Variants in TBC1D32 observed in about 807,000 individuals in gnomAD.
TBC1D32 encodes the protein TBC1 domain family member 32, also known as protein broad-minded.
Under a neutral mutation model 170.3 loss-of-function variants are expected in TBC1D32, and 151 were observed. The ratio of observed to expected loss-of-function variants is 0.89; its 90% CI spans 0.78 to 1.01. TBC1D32 has a LOEUF of 1.01. TBC1D32 is among the 50% of genes least tolerant of loss of function. The probability of loss-of-function intolerance (pLI) is 0.00; values close to 1 mark genes in which losing one functional copy is unlikely to be tolerated. For synonymous variants in TBC1D32, 498 were observed against 488.0 expected, an observed-to-expected ratio of 1.02 and a Z score of -0.27; for missense variants, 1,464 against 1,457.1, an observed-to-expected ratio of 1.00 and a Z score of -0.08.
intron 22 of TBC1D32, among the ~76,000 whole-genome samples, chr6:121,199,843 A>G (rs1022251235): frequency 1.3e-5 from 2 of 151,448 alleles, no homozygotes; most frequent in African/African-American, 4.9e-5. Flanking sequence ...ATGAAATACT[A>G]ACATTTGGCT....
Position 121,131,713 on chromosome 6 carries a change from G to T in TBC1D32, c.2813C>A (p.Ser938Tyr), listed in dbSNP as rs371231820. Reference protein sequence around the residue: ...LDKLLLCLKISDKQTEWIENC... With the variant: ...LDKLLLCLKIYDKQTEWIENC... ...TTCTATCCATTCAGTTTGTTTATCA[G>T]ATATTTTGAGGCATAATAAAAGCTT... The change falls in exon 25 of 32, where the codon TCT becomes TAT. Residue 938 changes from serine to tyrosine, a missense_variant. Around this residue, in one of 3 missense-constraint regions of TBC1D32, gnomAD observed 1,363 missense variants for 1,338.1 expected, o/e 1.02. Coordinates refer to ENST00000398212, the MANE Select transcript of TBC1D32 (RefSeq NM_152730.6). 31 of 1,607,332 alleles carry T rather than the reference G, an allele frequency of 1.9e-5. No individual in the cohort carries two copies. The East Asian group carries it at 2.9e-4, about 15-fold the overall frequency.
intron 30 of TBC1D32, among the ~76,000 whole-genome samples, 175 bp downstream of exon 30, chr6:121,105,848 G>C (rs745492111): frequency 1.3e-5 from 2 of 151,996 alleles, no homozygotes; most frequent in Non-Finnish European, 2.9e-5. Context: ...GTGAATGGTA[G>C]AAAGCATTAT....
chr6:121,295,602 G>A (rs1349376086), intron 10 of TBC1D32, among the ~76,000 whole-genome samples: 1 of 151,830 alleles, frequency 6.6e-6, no homozygotes, highest in Non-Finnish European at 1.5e-5. Context: ...CCAACAGAGG[G>A]GAAGAGTTTG....
intron 21 of TBC1D32, among the ~76,000 whole-genome samples, chr6:121,210,640 C>T (rs1792911951): frequency 6.6e-6 from 1 of 152,132 alleles, no homozygotes; most frequent in Non-Finnish European, 1.5e-5. Flanking sequence ...GCAGATGTAA[C>T]TAAAATCCTT....
chr6:121,095,123 C>A (rs1373271369), intron 30 of TBC1D32, among the ~76,000 whole-genome samples: 3 of 152,136 alleles, frequency 2.0e-5, no homozygotes, highest in Non-Finnish European at 4.4e-5. Flanking sequence ...TGGTAAACCA[C>A]CATTCCATAA....
At chr6:121,242,844 T>C (rs1797162841) in intron 17 of TBC1D32, among the ~76,000 whole-genome samples, 1 of 152,080 alleles carries the variant, frequency 6.6e-6, no homozygotes, top group African/African-American at 2.4e-5. Context: ...ATAAGAAAGA[T>C]CAACATATAT....
rs533698576 is a variant in TBC1D32, at chr6:121,123,496, G to A, written c.2983+2882C>T. On this transcript the variant is annotated intron_variant, in intron 26 of 31. Coordinates refer to ENST00000398212, the MANE Select transcript of TBC1D32 (RefSeq NM_152730.6). Reference sequence around the variant, plus strand: ...TTTACCATTATATAATGACCTTTTTGGTCTCTTTTTATAGTCTTTGCCTTA... The same window carrying A: ...TTTACCATTATATAATGACCTTTTTAGTCTCTTTTTATAGTCTTTGCCTTA... Among the ~76,000 whole-genome samples the A allele has an allele frequency of 9.9e-5, 15 of 151,892 alleles. No homozygotes were observed. In the South Asian group the frequency reaches 2.9e-3, roughly 29 times the overall value.
chr6:121,217,604 G>A (rs1793993287), intron 21 of TBC1D32, among the ~76,000 whole-genome samples: 1 of 152,142 alleles, frequency 6.6e-6, no homozygotes, highest in African/African-American at 2.4e-5. Context: ...GAGAACTCAT[G>A]GACACAAAGA....
intron 15 of TBC1D32, among the ~76,000 whole-genome samples, chr6:121,261,379 G>A (rs1462768927): frequency 6.6e-6 from 1 of 152,206 alleles, no homozygotes; most frequent in African/African-American, 2.4e-5. Context: ...ACTGGCATCA[G>A]GTTGGTGCCC....
At chr6:121,315,863 C>A (rs1808868005) in intron 3 of TBC1D32, among the ~76,000 whole-genome samples, 1 of 152,110 alleles carries the variant, frequency 6.6e-6, no homozygotes, top group African/African-American at 2.4e-5. Flanking sequence ...AAACAGCTTT[C>A]AGGACAGTTC....
At chr6:121,211,427 C>T (rs1340901415) in intron 21 of TBC1D32, among the ~76,000 whole-genome samples, 3 of 152,122 alleles carry the variant, frequency 2.0e-5, no homozygotes, top group Non-Finnish European at 2.9e-5. Flanking sequence ...AAGCAGTGTA[C>T]ACTGTACACA....
chr6:121,239,088 A>C lies in TBC1D32; in HGVS notation c.2346T>G (p.Ile782Met). 1 of 1,593,994 alleles carries C rather than the reference A, an allele frequency of 6.3e-7. No individual in the cohort carries two copies. Among genetic ancestry groups the C allele is most frequent in the Non-Finnish European group, 8.6e-7 (1 of 1,165,466 alleles). Reference sequence around the variant, plus strand: ...TTCTTACCTTTTGACAGCTTCGGTCAATAGGATCCACTGGAGTAGTTCTGG... The same window carrying C: ...TTCTTACCTTTTGACAGCTTCGGTCCATAGGATCCACTGGAGTAGTTCTGG... ...THPRTTPVDP[I>M]DRSCQKSFLA... The change falls in exon 20 of 32, where the codon ATT becomes ATG. Residue 782 changes from isoleucine to methionine, a missense_variant. Coordinates refer to ENST00000398212, the MANE Select transcript of TBC1D32 (RefSeq NM_152730.6).
At chr6:121,307,935 A>G in intron 5 of TBC1D32, 41 bp downstream of exon 5, 3 of 1,577,514 alleles carry the variant, frequency 1.9e-6, no homozygotes, top group Middle Eastern at 3.4e-4. Context: ...GAATGGTGGG[A>G]AAACAAATTA....
At chr6:121,242,117 C>T in intron 18 of TBC1D32, 84 bp downstream of exon 18, 1 of 1,408,346 alleles carries the variant, frequency 7.1e-7, no homozygotes, top group Non-Finnish European at 9.7e-7. Context: ...ATAACTTCTT[C>T]ATACACAGAA....
chr6:121,161,763 T>C lies in TBC1D32; in HGVS notation c.2571-707A>G, dbSNP rs553882558. On this transcript the variant is annotated intron_variant, in intron 22 of 31. Transcript: ENST00000398212. Reference sequence around the variant, plus strand: ...TCAGGTCTTTGAGGAATTGCCACACTGTCTTCCACAACGGTTGAACTAATT... The same window carrying C: ...TCAGGTCTTTGAGGAATTGCCACACCGTCTTCCACAACGGTTGAACTAATT... Among the ~76,000 whole-genome samples, 14 of 152,350 alleles carry C rather than the reference T, an allele frequency of 9.2e-5. No homozygotes were observed. The East Asian group carries it at 2.3e-3, about 25-fold the overall frequency.
chr6:121,293,284 T>A (rs1159857658), intron 11 of TBC1D32, among the ~76,000 whole-genome samples: 1 of 152,080 alleles, frequency 6.6e-6, no homozygotes, highest in Non-Finnish European at 1.5e-5. Context: ...AGTTTGTAAA[T>A]GAGATAACAT....
chr6:121,110,140 A>G (rs1779063706), intron 29 of TBC1D32, among the ~76,000 whole-genome samples: 1 of 151,312 alleles, frequency 6.6e-6, no homozygotes, highest in Non-Finnish European at 1.5e-5. Context: ...AGTCCCAGCT[A>G]CTCGGGAGGC....
chr6:121,256,032 T>C (rs1306963316), intron 16 of TBC1D32, 52 bp downstream of exon 16: 1 of 1,461,576 alleles, frequency 6.8e-7, no homozygotes, highest in South Asian at 1.2e-5. Flanking sequence ...ATGGTGCTTA[T>C]ATTTGAAATA....
At chr6:121,270,424 G>C (rs1801210700) in intron 15 of TBC1D32, among the ~76,000 whole-genome samples, 1 of 151,886 alleles carries the variant, frequency 6.6e-6, no homozygotes, top group African/African-American at 2.4e-5. Flanking sequence ...AATGATAAAG[G>C]GTATATCACC....
Sources: gnomAD v4.1 joint callset for allele counts (sites outside exome capture counted in the v4.1 genomes callset) on GRCh38, gnomAD v4.1.1 for gene constraint, gnomAD v4.1.1 regional missense constraint, MANE v1.5 for transcripts, NCBI Gene and HGNC (gene_info 2026-07-23, HGNC 2026-07-21) for gene names.